The following MEIOB variants were observed in gnomAD, a reference collection of about 807,000 sequenced individuals.
The protein encoded by MEIOB is meiosis specific with OB-fold, also known as meiosis-specific with OB domain-containing protein.
MEIOB carries 50 observed loss-of-function variants against 53.1 expected under a neutral mutation model. That is an observed-to-expected ratio of 0.94 (90% CI 0.75 to 1.19). MEIOB has a LOEUF of 1.19. Ranked by LOEUF, MEIOB falls within the 50% of genes most tolerant of loss-of-function variation. The pLI, the probability that MEIOB is intolerant of heterozygous loss-of-function variation, is 0.00. For synonymous variants in MEIOB, 192 were observed against 182.5 expected (o/e 1.05, Z -0.42); for missense variants, 551 against 550.8 (o/e 1.00, Z 0.00).
At chr16:1,860,575 T>A in intron 4 of MEIOB, 100 bp from the exon 5 acceptor site, 1 of 690,478 alleles carries the variant, frequency 1.4e-6, no homozygotes, top group Non-Finnish European at 2.4e-6. Flanking sequence ...CATCATCGAC[T>A]CTAGGCTTTA....
chr16:1,862,503 C>T (rs1899471699), intron 3 of MEIOB, among the ~76,000 whole-genome samples: 1 of 152,034 alleles, frequency 6.6e-6, no homozygotes, highest in African/African-American at 2.4e-5. Context: ...TATTTCAGTC[C>T]CAGCTACTTA....
intron 13 of MEIOB, 31 bp downstream of exon 13, chr16:1,837,753 A>C: frequency 9.3e-7 from 1 of 1,078,210 alleles, no homozygotes; most frequent in Non-Finnish European, 1.3e-6. Flanking sequence ...ATAAATATAT[A>C]GAATAATATG....
chr16:1,834,478 A>G (rs1430581407), intron 13 of MEIOB, 112 bp from the exon 14 acceptor site: 8 of 603,338 alleles, frequency 1.3e-5, no homozygotes, highest in Non-Finnish European at 2.1e-5. Context: ...AGTTTTGTTT[A>G]CAGATACTAA....
intron 7 of MEIOB, 60 bp downstream of exon 7, chr16:1,854,040 G>A: frequency 1.1e-6 from 1 of 938,646 alleles, no homozygotes; most frequent in Non-Finnish European, 1.7e-6. Flanking sequence ...TTGATAAAAT[G>A]AAAATGTCCT....
Position 1,851,637 on chromosome 16 carries a change from CATGTGTTGG to C in MEIOB, c.778+1393_778+1401del, listed in dbSNP as rs146999081. On this transcript the variant is annotated intron_variant, in intron 9 of 13. Coordinates refer to ENST00000325962, the MANE Select transcript of MEIOB (RefSeq NM_001163560.3). ...GTGCTGCCTTCAAGGAGACAACATCCATGTGTTGGATGTGCAAGATTCAGAGTACTCATA... is the reference window on the plus strand; with the variant it reads ...GTGCTGCCTTCAAGGAGACAACATCCATGTGCAAGATTCAGAGTACTCATA... Among the ~76,000 whole-genome samples, 884 of 152,228 alleles carry C rather than the reference CATGTGTTGG, an allele frequency of 5.8e-3. 29 individuals are homozygous for C. The East Asian group carries it at 0.1, about 18-fold the overall frequency.
intron 12 of MEIOB, among the ~76,000 whole-genome samples, chr16:1,838,395 C>A (rs1596962601): frequency 6.6e-6 from 1 of 152,136 alleles, no homozygotes; most frequent in African/African-American, 2.4e-5. Flanking sequence ...AAAATCCCCT[C>A]AATAAAGTGG....
At chr16:1,839,716 C>G in intron 11 of MEIOB, 1 of 338,502 alleles carries the variant, frequency 3.0e-6, no homozygotes, top group Non-Finnish European at 5.4e-6. Context: ...AGTCTCATTT[C>G]CTTGCTGGGG....
intron 3 of MEIOB, 76 bp from the exon 4 acceptor site, chr16:1,862,192 T>C: frequency 8.3e-7 from 1 of 1,211,146 alleles, no homozygotes; most frequent in Admixed American, 2.7e-5. Flanking sequence ...AAGTGTTACA[T>C]GAAAAGTTTC....
intron 10 of MEIOB, among the ~76,000 whole-genome samples, chr16:1,844,118 GTTTC>G (rs1486534848): frequency 9.9e-4 from 140 of 141,610 alleles, no homozygotes; most frequent in Non-Finnish European, 1.8e-3. Flanking sequence ...TCTGTATTAT[GTTTC>G]TTTTTTTTTT....
intron 2 of MEIOB, among the ~76,000 whole-genome samples, chr16:1,866,667 G>A (rs1200331688): frequency 2.0e-5 from 3 of 151,994 alleles, no homozygotes; most frequent in Admixed American, 2.0e-4. Context: ...GTTGCAGTGA[G>A]CTTAGATCCC....
Position 1,863,531 on chromosome 16 carries a change from C to T in MEIOB, c.128-1415G>A, listed in dbSNP as rs563812873. 6.6e-5 allele frequency among the ~76,000 whole-genome samples: 10 copies of T among 151,936 alleles called. No homozygotes were observed. In the East Asian group the frequency reaches 1.7e-3, roughly 27 times the overall value. On this transcript the variant is annotated intron_variant, in intron 3 of 13. Transcript: ENST00000325962. ...CCTCCCAAGTAGCTGGGACTACAGGCGCCTGCCACCATGCCTGGCTAATTT... is the reference window on the plus strand; with the variant it reads ...CCTCCCAAGTAGCTGGGACTACAGGTGCCTGCCACCATGCCTGGCTAATTT...
intron 3 of MEIOB, among the ~76,000 whole-genome samples, chr16:1,865,574 C>CAT (rs144410977): frequency 8.1e-6 from 1 of 122,870 alleles, no homozygotes. Flanking sequence ...TGTATGTATA[C>CAT]ATATATATAG....
At chr16:1,867,325 A>G (rs1438193780) in intron 2 of MEIOB, among the ~76,000 whole-genome samples, 1 of 152,122 alleles carries the variant, frequency 6.6e-6, no homozygotes, top group East Asian at 1.9e-4. Flanking sequence ...CTACTCAAAG[A>G]GTCAATTTTC....
rs1898916521 is a variant in MEIOB at position 1,841,742 on chromosome 16, T to A, written c.1034+78A>T. On this transcript the variant is annotated intron_variant, in intron 11 of 13. Coordinates refer to ENST00000325962, the MANE Select transcript of MEIOB (RefSeq NM_001163560.3). ...TGTTACATCAACAAACAGCTTTAAC[T>A]TTTAGAGAGCTTAAAATTTATTAAC... 5.2e-6 allele frequency: 6 copies of A among 1,158,598 alleles called. No homozygotes were observed. The East Asian group carries it at 1.6e-4, about 32-fold the overall frequency. 71.8% of individuals were successfully genotyped at this position (1,158,598 alleles called of 1,614,324 possible).
intron 7 of MEIOB, 131 bp downstream of exon 7, chr16:1,853,969 T>C: frequency 1.5e-6 from 1 of 659,820 alleles, no homozygotes; most frequent in Non-Finnish European, 2.6e-6. Context: ...TGAGATTTAT[T>C]TTTTAAAATA....
chr16:1,864,446 A>G lies in MEIOB; in HGVS notation c.127+1332T>C, dbSNP rs539856493. Among the ~76,000 whole-genome samples the G allele has an allele frequency of 9.5e-4, 144 of 151,768 alleles. 1 individual carries two copies. The highest frequency in any genetic ancestry group is 3.4e-3 in the Middle Eastern group (1 of 290). On this transcript the variant is annotated intron_variant, in intron 3 of 13. Coordinates refer to ENST00000325962, the MANE Select transcript of MEIOB (RefSeq NM_001163560.3). The stretch of plus-strand genomic sequence containing the variant: ...ACACAGAAGTTTTTCTCCTTCCCTC[A>G]CAGTCTGATAGGTGAAAAACTGTGA...
rs914676622 is a variant in MEIOB, at chr16:1,872,064, C to A, written c.-81G>T. On this transcript the variant is annotated 5_prime_UTR_variant, in exon 1 of 14. Transcript: ENST00000325962. ...CCGCGGCCTCGCGGACCTGGCCCGC[C>A]CGACCCCCGGGTCGCCCGCGCTTCG... is the stretch of plus-strand genomic sequence containing the variant. The A allele has an allele frequency of 1.1e-4, 17 of 151,444 alleles. No individual in the cohort carries two copies. The highest frequency in any genetic ancestry group is 3.9e-4 in the African/African-American group (16 of 41,302). 9.4% of individuals were successfully genotyped at this position (151,444 alleles called of 1,614,324 possible).
chr16:1,849,389 C>CA (rs1405665986), intron 9 of MEIOB, among the ~76,000 whole-genome samples: 1 of 151,750 alleles, frequency 6.6e-6, no homozygotes, highest in Non-Finnish European at 1.5e-5. Flanking sequence ...CTAAAAAATA[C>CA]AAAAAAATTA....
At chr16:1,838,830 T>TA (rs892137847) in intron 12 of MEIOB, among the ~76,000 whole-genome samples, 3 of 152,154 alleles carry the variant, frequency 2.0e-5, no homozygotes, top group African/African-American at 7.2e-5. Flanking sequence ...TAGCTAGGAT[T>TA]ACAAGTGCAC....
Sources: allele counts gnomAD v4.1 joint callset (sites outside exome capture counted in the v4.1 genomes callset), GRCh38; gene constraint gnomAD v4.1.1; transcripts MANE v1.5; gene names NCBI Gene and HGNC (gene_info 2026-07-23, HGNC 2026-07-21).